Variants in POLK observed in about 807,000 individuals in gnomAD.
The protein encoded by POLK is DNA polymerase kappa.
A neutral mutation model predicts 94.0 loss-of-function variants in POLK; 76 were observed. The ratio of observed to expected loss-of-function variants is 0.81; its 90% CI spans 0.67 to 0.98. The LOEUF is 0.98. Among genes scored for constraint, POLK ranks in the 50% least tolerant of loss-of-function variants. The probability of loss-of-function intolerance (pLI) is 0.00; values close to 1 mark genes in which losing one functional copy is unlikely to be tolerated. For missense variants in POLK, 954 were observed against 1,010.1 expected (o/e 0.94, Z 0.75); for synonymous variants, 349 against 325.4 (o/e 1.07, Z -0.78).
chr5:75,608,446 C>A, the POLK span, among the ~76,000 whole-genome samples: 1 of 152,174 alleles, frequency 6.6e-6, no homozygotes, highest in Non-Finnish European at 1.5e-5. Context: ...CCTCCCACTT[C>A]GGCCTCTCAA....
At chr5:75,586,385 A>C (rs998343893) in intron 9 of POLK, among the ~76,000 whole-genome samples, 3 of 152,158 alleles carry the variant, frequency 2.0e-5, no homozygotes, top group African/African-American at 7.2e-5. Flanking sequence ...CTTCATTACT[A>C]TATCCTCAAG....
intron 11 of POLK, among the ~76,000 whole-genome samples, chr5:75,593,478 A>G (rs764117645): frequency 1.1e-4 from 16 of 152,150 alleles, no homozygotes; most frequent in South Asian, 8.3e-4. Flanking sequence ...TTATAATTCC[A>G]TATTCTTATG....
At chr5:75,579,413 A>G (rs1772085101) in intron 6 of POLK, among the ~76,000 whole-genome samples, 1 of 151,608 alleles carries the variant, frequency 6.6e-6, no homozygotes, top group African/African-American at 2.4e-5. Flanking sequence ...TCTGTCACCA[A>G]GGCTGGAGTA....
In POLK at chr5:75,591,560, A is replaced by G. The variant is rs1020269862; in HGVS notation, c.1356+1120A>G. Among the ~76,000 whole-genome samples the G allele has an allele frequency of 7.2e-5, 11 of 152,218 alleles. No individual in the cohort carries two copies. In the East Asian group the frequency reaches 1.9e-3, roughly 27 times the overall value. Reference sequence around the variant, plus strand: ...CATTTGTCAAAAATAAGAAACTGACATTTAATACATTGTCAATTATTAACC... The same window carrying G: ...CATTTGTCAAAAATAAGAAACTGACGTTTAATACATTGTCAATTATTAACC... On this transcript the variant is annotated intron_variant, in intron 11 of 14. Coordinates refer to ENST00000241436, the Ensembl canonical transcript of POLK.
At chr5:75,607,932 G>T in the POLK span, among the ~76,000 whole-genome samples, 3 of 152,166 alleles carry the variant, frequency 2.0e-5, no homozygotes, top group East Asian at 1.9e-4. Flanking sequence ...GGGAGAAATC[G>T]TCTGGTAGAG....
At chr5:75,574,160 C>T (rs970544814) in intron 5 of POLK, among the ~76,000 whole-genome samples, 1 of 152,090 alleles carries the variant, frequency 6.6e-6, no homozygotes, top group African/African-American at 2.4e-5. Context: ...TTAAATTTAG[C>T]TATTTTTTCT....
At chr5:75,565,082 T>G (rs953638803) in intron 3 of POLK, among the ~76,000 whole-genome samples, 4 of 152,174 alleles carry the variant, frequency 2.6e-5, no homozygotes, top group African/African-American at 9.7e-5. Flanking sequence ...TTTGTTCCTT[T>G]TATTCTTTTT....
At chr5:75,536,831 C>T (rs1177298760) in intron 1 of POLK, among the ~76,000 whole-genome samples, 1 of 152,232 alleles carries the variant, frequency 6.6e-6, no homozygotes, top group Non-Finnish European at 1.5e-5. Context: ...AGATGTGGAG[C>T]TGCTGGGCTG....
chr5:75,562,153 T>C (rs1771022832), intron 3 of POLK, among the ~76,000 whole-genome samples: 1 of 152,242 alleles, frequency 6.6e-6, no homozygotes, highest in Non-Finnish European at 1.5e-5. Flanking sequence ...TGGAATGTTT[T>C]TCCATTTGTT....
chr5:75,531,184 A>G (rs994758129), intron 1 of POLK, among the ~76,000 whole-genome samples: 3 of 151,898 alleles, frequency 2.0e-5, no homozygotes, highest in Non-Finnish European at 4.4e-5. Context: ...TTCTACGGGA[A>G]AAAGTTTTTT....
chr5:75,528,476 G>A (rs962044625), intron 1 of POLK, among the ~76,000 whole-genome samples: 1 of 152,018 alleles, frequency 6.6e-6, no homozygotes, highest in Non-Finnish European at 1.5e-5. Flanking sequence ...TTTGTAGCAA[G>A]CATGAACTTT....
chr5:75,566,504 C>G (rs986043736), intron 3 of POLK, among the ~76,000 whole-genome samples: 2 of 152,168 alleles, frequency 1.3e-5, no homozygotes, highest in Non-Finnish European at 2.9e-5. Flanking sequence ...GTAGGCACCC[C>G]GTGAAATCTC....
chr5:75,560,992 A>G (rs928733293), intron 3 of POLK, among the ~76,000 whole-genome samples: 1 of 152,174 alleles, frequency 6.6e-6, no homozygotes, highest in African/African-American at 2.4e-5. Flanking sequence ...ATGTGTCTTT[A>G]TAGTAGAATG....
chr5:75,537,032 T>C (rs1391355053), intron 1 of POLK, among the ~76,000 whole-genome samples: 2 of 152,076 alleles, frequency 1.3e-5, no homozygotes, highest in African/African-American at 4.8e-5. Context: ...CAAGGGTAGA[T>C]GGAGTGGCCA....
intron 3 of POLK, among the ~76,000 whole-genome samples, chr5:75,559,268 T>C (rs1770817086): frequency 6.6e-6 from 1 of 152,192 alleles, no homozygotes; most frequent in African/African-American, 2.4e-5. Flanking sequence ...CGAGCTGAGG[T>C]AAGCAACTTT....
intron 1 of POLK, among the ~76,000 whole-genome samples, chr5:75,528,445 A>T (rs1344158633): frequency 6.6e-6 from 1 of 152,072 alleles, no homozygotes. Context: ...TTTCCCTTTT[A>T]TGCATTCTGA....
chr5:75,559,006 G>A (rs534907867), intron 3 of POLK, among the ~76,000 whole-genome samples: 1 of 152,264 alleles, frequency 6.6e-6, no homozygotes, highest in South Asian at 2.1e-4. Context: ...TTTCATCAGA[G>A]GCTCTCTGGC....
At chr5:75,568,535 C>T (rs755205862) in intron 3 of POLK, 6 of 188,056 alleles carry the variant, frequency 3.2e-5, no homozygotes, top group Non-Finnish European at 4.5e-5. Context: ...ATTTCTTTCT[C>T]GTTGTAAAAC....
chr5:75,554,049 G>A (rs978638937), intron 3 of POLK, among the ~76,000 whole-genome samples: 1 of 152,130 alleles, frequency 6.6e-6, no homozygotes, highest in African/African-American at 2.4e-5. Context: ...GGAAGAAAGG[G>A]AAAATATTGA....
Sources: gnomAD v4.1 joint callset for allele counts (sites outside exome capture counted in the v4.1 genomes callset) on GRCh38, gnomAD v4.1.1 for gene constraint, MANE v1.5 for transcripts, NCBI Gene and HGNC (gene_info 2026-07-23, HGNC 2026-07-21) for gene names.